Variants in ADGRL3 observed in about 807,000 individuals in gnomAD.
ADGRL3 encodes calcium-independent alpha-latrotoxin receptor 3.
A neutral mutation model predicts 153.5 loss-of-function variants in ADGRL3; 62 were observed. That is an observed-to-expected ratio of 0.40 (90% CI 0.33 to 0.50). ADGRL3 has a LOEUF of 0.50. Among genes scored for constraint, ADGRL3 ranks in the 20% least tolerant of loss-of-function variants. ADGRL3 has a pLI of 0.47. For synonymous variants in ADGRL3, 710 were observed against 672.5 expected (o/e 1.06, Z -0.86); for missense variants, 1,641 against 1,859.4 (o/e 0.88, Z 2.16).
At chr4:61,856,950 C>CCCTTTCTTTCTTTCTTTCTT (rs1554048270) in intron 9 of ADGRL3, among the ~76,000 whole-genome samples, 1 of 56,970 alleles carries the variant, frequency 1.8e-5, no homozygotes, top group African/African-American at 6.6e-5. Context: ...CTTTCTTCTT[C>CCCTTTCTTTCTTTCTTTCTT]TCTTTCTTTC....
intron 12 of ADGRL3, among the ~76,000 whole-genome samples, chr4:61,910,181 GATCTCTATCATCAATT>G (rs2149818589): frequency 6.6e-6 from 1 of 151,650 alleles, no homozygotes; most frequent in African/African-American, 2.4e-5. Flanking sequence ...AGAATGGATG[GATCTCTATCATCAATT>G]ATAGATGATT....
intron 1 of ADGRL3, among the ~76,000 whole-genome samples, chr4:61,253,052 C>T (rs1257731070): frequency 2.0e-5 from 3 of 152,260 alleles, no homozygotes; most frequent in East Asian, 3.9e-4. Context: ...TAATGGTTAA[C>T]TTTGTAAATC....
intron 8 of ADGRL3, among the ~76,000 whole-genome samples, chr4:61,767,071 A>G (rs568694742): frequency 1.1e-3 from 173 of 152,050 alleles, no homozygotes; most frequent in African/African-American, 4.0e-3. Flanking sequence ...AAGGGTGATT[A>G]GGTTTTAATG....
At chr4:61,506,056 A>T (rs962365176) in intron 3 of ADGRL3, among the ~76,000 whole-genome samples, 5 of 152,076 alleles carry the variant, frequency 3.3e-5, no homozygotes, top group Admixed American at 6.6e-5. Context: ...TGGTCCTATT[A>T]AATGGAGTAG....
intron 1 of ADGRL3, among the ~76,000 whole-genome samples, chr4:61,380,341 T>C (rs2096652787): frequency 6.6e-6 from 1 of 152,060 alleles, no homozygotes; most frequent in African/African-American, 2.4e-5. Context: ...ACTAGAGCAG[T>C]GCCTGGCATT....
intron 8 of ADGRL3, among the ~76,000 whole-genome samples, chr4:61,750,883 C>G (rs181782538): frequency 3.3e-5 from 5 of 151,858 alleles, no homozygotes; most frequent in Admixed American, 3.3e-4. Context: ...GAAGTGGAAT[C>G]TGGGCAAGCA....
intron 1 of ADGRL3, among the ~76,000 whole-genome samples, chr4:61,301,010 G>T (rs532415859): frequency 6.6e-6 from 1 of 152,124 alleles, no homozygotes; most frequent in East Asian, 1.9e-4. Context: ...TGATCCACCC[G>T]CCTCGGGCTC....
intron 21 of ADGRL3, among the ~76,000 whole-genome samples, chr4:62,005,538 A>AG (rs1244825180): frequency 6.6e-6 from 1 of 152,146 alleles, no homozygotes; most frequent in East Asian, 1.9e-4. Flanking sequence ...AACCTATCTA[A>AG]GGGGAAAATG....
chr4:61,559,564 A>C (rs1014803146), intron 4 of ADGRL3, among the ~76,000 whole-genome samples: 2 of 152,122 alleles, frequency 1.3e-5, no homozygotes, highest in African/African-American at 4.8e-5. Context: ...ACACATTGGC[A>C]GTAGGTTTTT....
chr4:61,907,803 G>A (rs1466567462), intron 11 of ADGRL3, among the ~76,000 whole-genome samples: 3 of 151,890 alleles, frequency 2.0e-5, no homozygotes, highest in Non-Finnish European at 2.9e-5. Flanking sequence ...TCTAGATATC[G>A]GGATATCTCC....
intron 21 of ADGRL3, among the ~76,000 whole-genome samples, chr4:61,998,608 T>C (rs75063340): frequency 0.13 from 20,356 of 151,504 alleles, 1,734 homozygotes; most frequent in East Asian, 0.24. Context: ...GGAGTTTCGT[T>C]CTTGTTGCCC....
intron 5 of ADGRL3, among the ~76,000 whole-genome samples, chr4:61,673,588 A>G (rs1266371309): frequency 6.6e-6 from 1 of 151,558 alleles, no homozygotes; most frequent in Non-Finnish European, 1.5e-5. Flanking sequence ...TAAATTGTTT[A>G]TAAATCTTTA....
chr4:61,516,121 T>A (rs2098492654), intron 3 of ADGRL3, among the ~76,000 whole-genome samples: 1 of 152,146 alleles, frequency 6.6e-6, no homozygotes, highest in South Asian at 2.1e-4. Flanking sequence ...AACATATTTC[T>A]TAATATGATT....
intron 1 of ADGRL3, among the ~76,000 whole-genome samples, chr4:61,217,753 A>G (rs149659062): frequency 4.5e-4 from 69 of 152,222 alleles, no homozygotes; most frequent in African/African-American, 1.6e-3. Context: ...GGAGAGTTTT[A>G]CTCCAGAAGG....
At chr4:61,893,808 A>G (rs1313641123) in intron 10 of ADGRL3, among the ~76,000 whole-genome samples, 3 of 149,088 alleles carry the variant, frequency 2.0e-5, no homozygotes, top group Admixed American at 6.8e-5. Context: ...CCAGGGTTCA[A>G]GTGATTCTCC....
At chr4:61,528,447 A>G (rs1323782879) in intron 4 of ADGRL3, among the ~76,000 whole-genome samples, 3 of 152,116 alleles carry the variant, frequency 2.0e-5, no homozygotes, top group Non-Finnish European at 4.4e-5. Flanking sequence ...TTTACACCCC[A>G]GACACCCAGA....
intron 4 of ADGRL3, among the ~76,000 whole-genome samples, chr4:61,524,918 G>C (rs902329244): frequency 1.3e-5 from 2 of 152,002 alleles, no homozygotes; most frequent in Admixed American, 1.3e-4. Flanking sequence ...CACATTCAAG[G>C]GTTCGTAGCT....
chr4:61,490,162 G>A (rs2098242434), intron 2 of ADGRL3, among the ~76,000 whole-genome samples: 1 of 151,986 alleles, frequency 6.6e-6, no homozygotes, highest in South Asian at 2.1e-4. Flanking sequence ...ACTGTTGAGT[G>A]AGATCTTAGC....
chr4:62,056,726 A>G (rs917421187), intron 25 of ADGRL3, among the ~76,000 whole-genome samples: 8 of 152,118 alleles, frequency 5.3e-5, no homozygotes, highest in Non-Finnish European at 1.2e-4. Flanking sequence ...TAATTTATAT[A>G]CGTTAATGTA....
Sources: allele counts gnomAD v4.1 joint callset (sites outside exome capture counted in the v4.1 genomes callset), GRCh38; gene constraint gnomAD v4.1.1; transcripts MANE v1.5; gene names NCBI Gene and HGNC (gene_info 2026-07-23, HGNC 2026-07-21).